Variants in HNF4G observed in about 807,000 individuals in gnomAD.
HNF4G encodes the protein hepatocyte nuclear factor 4 gamma, also known as hepatocyte nuclear factor 4-gamma.
A neutral mutation model predicts 50.9 loss-of-function variants in HNF4G; 21 were observed. That is an observed-to-expected ratio of 0.41 (90% CI 0.29 to 0.59). HNF4G has a LOEUF of 0.59. Among genes scored for constraint, HNF4G ranks in the 20% least tolerant of loss-of-function variants. The probability of loss-of-function intolerance (pLI) is 0.26; values close to 1 mark genes in which losing one functional copy is unlikely to be tolerated. For missense variants in HNF4G, 527 were observed against 559.4 expected, an observed-to-expected ratio of 0.94 and a Z score of 0.58; for synonymous variants, 198 against 185.6, an observed-to-expected ratio of 1.07 and a Z score of -0.54.
rs1407584703 is a variant in HNF4G, at chr8:75,515,771, T to G, written c.-24+25563T>G. Among the ~76,000 whole-genome samples, 8 of 143,412 alleles carry G rather than the reference T, an allele frequency of 5.6e-5. No individual in the cohort carries two copies. In the Admixed American group the frequency reaches 5.6e-4, roughly 10 times the overall value. 94.1% of individuals were successfully genotyped at this position (143,412 alleles called of 152,430 possible). A position where few individuals can be genotyped will look rare whatever the true frequency, so the allele number is the denominator to read the frequency against. Reference sequence around the variant, plus strand: ...ACTGACATTCATGGGGGCCACCATGTTTTTTTTTTTTGAGATGGAATTTCA... The same window carrying G: ...ACTGACATTCATGGGGGCCACCATGGTTTTTTTTTTTGAGATGGAATTTCA... On this transcript the variant is annotated intron_variant, in intron 2 of 10. Coordinates refer to the HNF4G transcript ENST00000354370.
At chr8:75,491,850 T>C (rs1004210801) in intron 2 of HNF4G, among the ~76,000 whole-genome samples, 1 of 152,206 alleles carries the variant, frequency 6.6e-6, no homozygotes, top group African/African-American at 2.4e-5. Flanking sequence ...TGAAGACTTA[T>C]AAGCAGAAGA....
intron 5 of HNF4G, among the ~76,000 whole-genome samples, chr8:75,553,652 G>T (rs1807032737): frequency 6.6e-6 from 1 of 151,890 alleles, no homozygotes; most frequent in Admixed American, 6.6e-5. Context: ...GTGTTGTCTT[G>T]GTGGGTACTT....
At chr8:75,411,485 T>G (rs1810500107) in intron 1 of HNF4G, among the ~76,000 whole-genome samples, 2 of 152,224 alleles carry the variant, frequency 1.3e-5, no homozygotes, top group South Asian at 4.1e-4. Flanking sequence ...ATTTGCCTTA[T>G]TGCCTGTTCT....
intron 1 of HNF4G, among the ~76,000 whole-genome samples, chr8:75,440,397 T>C (rs191800559): frequency 6.6e-6 from 1 of 152,332 alleles, no homozygotes; most frequent in East Asian, 1.9e-4. Flanking sequence ...AGTGTTTCAC[T>C]AATGTCTCAG....
At position 75,547,456 on chromosome 8, in the gene HNF4G, A is replaced by G. The variant is rs1437113841; in HGVS notation, c.288-131A>G. On this transcript the variant is annotated intron_variant, in intron 2 of 9. Transcript: ENST00000396423. ...CTGATTGAGAGACTGGAAAGGTCAT[A>G]GCTGATTGTTCCTATACCTTCTTTT... 32 of 644,214 alleles carry G rather than the reference A, an allele frequency of 5.0e-5. 1 individual carries two copies. The highest frequency in any genetic ancestry group is 5.0e-4 in the South Asian group (26 of 52,362). The allele number at this position is 644,214 out of a possible 1,614,324, so 39.9% of individuals were successfully genotyped here.
chr8:75,543,479 T>C (rs1328290295), intron 1 of HNF4G, among the ~76,000 whole-genome samples: 2 of 152,226 alleles, frequency 1.3e-5, no homozygotes, highest in Admixed American at 6.5e-5. Context: ...GCATTTCATG[T>C]TGATGCCCAT....
intron 2 of HNF4G, among the ~76,000 whole-genome samples, chr8:75,501,595 T>A (rs1433710229): frequency 1.3e-5 from 2 of 152,188 alleles, no homozygotes. Context: ...TAATAGTGTG[T>A]AGACATTTGG....
chr8:75,549,543 CTCTT>C (rs946912269), intron 3 of HNF4G, among the ~76,000 whole-genome samples: 2 of 150,142 alleles, frequency 1.3e-5, no homozygotes, highest in African/African-American at 4.9e-5. Flanking sequence ...CAAAAACTCA[CTCTT>C]TCTTTTTTTT....
At position 75,564,319 on chromosome 8, in the gene HNF4G, T is replaced by C. The variant is rs1183000307; in HGVS notation, c.*223T>C. The stretch of plus-strand genomic sequence containing the variant: ...GTATATCTGAGTTTGAAGATGTTTA[T>C]ATAGGGTATTTTTTCCAACTGCCCC... On this transcript the variant is annotated 3_prime_UTR_variant, in exon 10 of 10. Coordinates refer to ENST00000396423, the MANE Select transcript of HNF4G (RefSeq NM_004133.5). 12 of 452,438 alleles carry C rather than the reference T, an allele frequency of 2.7e-5. No individual in the cohort carries two copies. The East Asian group carries it at 3.7e-4, about 14-fold the overall frequency. The allele number at this position is 452,438 out of a possible 1,614,324, so 28.0% of individuals were successfully genotyped here.
chr8:75,455,556 T>C (rs1170767528), intron 1 of HNF4G, among the ~76,000 whole-genome samples: 1 of 152,176 alleles, frequency 6.6e-6, no homozygotes. Context: ...TATAATTTTC[T>C]GAATAATTCA....
intron 1 of HNF4G, among the ~76,000 whole-genome samples, chr8:75,439,403 C>T (rs1811220291): frequency 6.6e-6 from 1 of 151,800 alleles, no homozygotes; most frequent in Admixed American, 6.6e-5. Flanking sequence ...TCATAGGATT[C>T]AATGATAATT....
At position 75,564,311 on chromosome 8, in the gene HNF4G, G is replaced by A. The variant is rs1041244277; in HGVS notation, c.*215G>A. ...CAACCAATGTATATCTGAGTTTGAA[G>A]ATGTTTATATAGGGTATTTTTTCCA... On this transcript the variant is annotated 3_prime_UTR_variant, in exon 10 of 10. Coordinates refer to ENST00000396423, the MANE Select transcript of HNF4G (RefSeq NM_004133.5). 1 of 490,454 alleles carries A rather than the reference G, an allele frequency of 2.0e-6. No individual in the cohort carries two copies. 30.4% of individuals were successfully genotyped at this position (490,454 alleles called of 1,614,324 possible).
At chr8:75,482,658 G>GC (rs1056394322) in intron 1 of HNF4G, among the ~76,000 whole-genome samples, 2 of 151,996 alleles carry the variant, frequency 1.3e-5, no homozygotes, top group African/African-American at 2.4e-5. Flanking sequence ...GTGAGCCACC[G>GC]CCCCCCGGCT....
intron 9 of HNF4G, among the ~76,000 whole-genome samples, chr8:75,562,169 T>C (rs2941475): frequency 0.61 from 93,041 of 151,802 alleles, 29,467 homozygotes; most frequent in African/African-American, 0.76. Flanking sequence ...GTATGCAATG[T>C]AACAACAATT....
At chr8:75,417,957 G>C (rs1177373372) in intron 1 of HNF4G, among the ~76,000 whole-genome samples, 1 of 143,400 alleles carries the variant, frequency 7.0e-6, no homozygotes, top group Non-Finnish European at 1.5e-5. Context: ...ATGTGTGTGT[G>C]TCTACACACA....
At chr8:75,476,021 G>A (rs1812230382) in intron 1 of HNF4G, among the ~76,000 whole-genome samples, 1 of 151,862 alleles carries the variant, frequency 6.6e-6, no homozygotes, top group Non-Finnish European at 1.5e-5. Context: ...GGTGAGATTT[G>A]GGCTTCTAGT....
At chr8:75,415,384 TAAATGGGAATAGCATGTACAAAAAAAGA>T (rs1810608469) in intron 1 of HNF4G, among the ~76,000 whole-genome samples, 2 of 152,056 alleles carry the variant, frequency 1.3e-5, no homozygotes, top group African/African-American at 2.4e-5. Context: ...ATTATATTCA[TAAATGGGAATAGCATGTACAAAAAAAGA>T]AATAAAAAAT....
chr8:75,564,574 G>C lies in HNF4G; in HGVS notation c.*478G>C, dbSNP rs547711736. On this transcript the variant is annotated 3_prime_UTR_variant, in exon 10 of 10. Coordinates refer to ENST00000396423, the MANE Select transcript of HNF4G (RefSeq NM_004133.5). Reference sequence around the variant, plus strand: ...AAAATAAAGCAGTTGCTGTAGAATAGGCTGTATCTTTTTCAAGAAGAATCT... The same window carrying C: ...AAAATAAAGCAGTTGCTGTAGAATACGCTGTATCTTTTTCAAGAAGAATCT... The C allele has an allele frequency of 6.6e-6, 1 of 152,652 alleles. No homozygotes were observed. Among genetic ancestry groups the C allele is most frequent in the African/African-American group, 2.4e-5 (1 of 41,550 alleles). 9.5% of individuals were successfully genotyped at this position (152,652 alleles called of 1,614,324 possible).
At chr8:75,483,293 G>T (rs573560370) in intron 1 of HNF4G, among the ~76,000 whole-genome samples, 2 of 151,798 alleles carry the variant, frequency 1.3e-5, no homozygotes, top group East Asian at 1.9e-4. Flanking sequence ...TTAGTCAAGG[G>T]ATGGTTACTT....
Sources: gnomAD v4.1 joint callset for allele counts (sites outside exome capture counted in the v4.1 genomes callset) on GRCh38, gnomAD v4.1.1 for gene constraint, MANE v1.5 for transcripts, NCBI Gene and HGNC (gene_info 2026-07-23, HGNC 2026-07-21) for gene names.